SLC16A5: variants seen among roughly 807,000 people sequenced by gnomAD.
The protein encoded by SLC16A5 is monocarboxylate transporter 6.
Under a neutral mutation model 33.2 loss-of-function variants are expected in SLC16A5, and 29 were observed. The ratio of observed to expected loss-of-function variants is 0.87; its 90% confidence interval spans 0.65 to 1.19. SLC16A5 has a LOEUF of 1.19. Among genes scored for constraint, SLC16A5 ranks in the 50% most tolerant of loss-of-function variants. The probability of loss-of-function intolerance (pLI) is 0.00; values close to 1 mark genes in which losing one functional copy is unlikely to be tolerated. For synonymous variants in SLC16A5, 248 were observed against 284.1 expected, an observed-to-expected ratio of 0.87 and a Z score of 1.28; for missense variants, 606 against 678.2, an observed-to-expected ratio of 0.89 and a Z score of 1.18.
Position 75,098,099 on chromosome 17 carries a change from C to T in SLC16A5, c.261C>T (p.Gly87=), listed in dbSNP as rs757231426. Residue 87 remains glycine (G), a synonymous_variant, in exon 4 of 7, where the codon GGC becomes GGT. Coordinates refer to ENST00000329783, the MANE Select transcript of SLC16A5 (RefSeq NM_004695.4). ...FGCRVTVMLG[G]VLASLGMVAS... ...GCCGAGTGACCGTGATGCTGGGGGG[C>T]GTGCTGGCCAGCCTGGGCATGGTGG... The T allele has an allele frequency of 3.7e-6, 6 of 1,609,810 alleles. No individual in the cohort carries two copies. The highest frequency in any genetic ancestry group is 1.1e-5 in the South Asian group (1 of 90,468).
intron 1 of SLC16A5, among the ~76,000 whole-genome samples, chr17:75,088,686 C>T (rs28417351): frequency 0.046 from 6,989 of 152,158 alleles, 539 homozygotes; most frequent in African/African-American, 0.16. Flanking sequence ...GGGCCTGCCT[C>T]ATTTCCAGCC....
chr17:75,107,924 G>A (rs955118977), downstream of SLC16A5, among the ~76,000 whole-genome samples: 13 of 151,754 alleles, frequency 8.6e-5, 1 homozygote, highest in South Asian at 4.2e-4. Flanking sequence ...GTGACAGAGC[G>A]AGACACTGTC....
At chr17:75,096,290 A>G (rs2073717115) in intron 3 of SLC16A5, among the ~76,000 whole-genome samples, 1 of 151,600 alleles carries the variant, frequency 6.6e-6, no homozygotes, top group East Asian at 1.9e-4. Flanking sequence ...GCCCGGCCAC[A>G]CCACCCTCAG....
chr17:75,095,750 T>C (rs8077335), intron 3 of SLC16A5, among the ~76,000 whole-genome samples: 150,893 of 151,612 alleles, frequency 1, 75,094 homozygotes, highest in Middle Eastern at 1. Flanking sequence ...ACCTCCGCCT[T>C]CCAGGTTCAA....
chr17:75,108,330 C>G (rs980699810), downstream of SLC16A5, among the ~76,000 whole-genome samples: 11 of 152,296 alleles, frequency 7.2e-5, no homozygotes, highest in African/African-American at 2.4e-4. Context: ...AGATGCACTT[C>G]CCAGGCTGCA....
At chr17:75,087,704 C>G (rs2073586424), upstream of SLC16A5, 1 of 152,258 alleles carries the variant, frequency 6.6e-6, no homozygotes, top group African/African-American at 2.4e-5. Context: ...GCCCGGGGCC[C>G]TAGACCCTGA....
chr17:75,100,321 G>A lies in SLC16A5; in HGVS notation c.658G>A (p.Gly220Ser), dbSNP rs1261274685. ...TGCACTTGGCTGCCTGGCTGCATGC[G>A]GCCGGACCATCCAGCGCCACCTGGC... ...TPALGCLAAC[G>S]RTIQRHLAFD... Residue 220 changes from glycine (G) to serine (S), a missense_variant, in exon 5 of 7, where the codon GGC becomes AGC. Transcript: ENST00000329783. 1.4e-5 allele frequency: 23 copies of A among 1,614,010 alleles called. No homozygotes were observed. Among genetic ancestry groups the A allele is most frequent in the Middle Eastern group, 1.6e-4 (1 of 6,084 alleles).
chr17:75,105,840 G>T (rs753226069), intron 6 of SLC16A5, 40 bp from the exon 7 acceptor site: 1 of 1,521,900 alleles, frequency 6.6e-7, no homozygotes, highest in Non-Finnish European at 8.9e-7. Context: ...ACCAGGCTCC[G>T]CAAGAAAACC....
At chr17:75,094,879 G>C (rs1255379758) in intron 3 of SLC16A5, among the ~76,000 whole-genome samples, 1 of 152,056 alleles carries the variant, frequency 6.6e-6, no homozygotes, top group African/African-American at 2.4e-5. Flanking sequence ...GAGTGTGACT[G>C]CCTCACCCTG....
chr17:75,105,231 C>T, intron 6 of SLC16A5: 2 of 985,410 alleles, frequency 2.0e-6, no homozygotes, highest in Non-Finnish European at 2.4e-6. Flanking sequence ...AGTCTGAGGG[C>T]CCCCCTGCAG....
intron 5 of SLC16A5, among the ~76,000 whole-genome samples, chr17:75,101,298 C>G (rs1421086626): frequency 4.6e-5 from 6 of 130,556 alleles, no homozygotes; most frequent in Non-Finnish European, 9.9e-5. Flanking sequence ...CGGTGGCTCA[C>G]GCCTGTAATC....
intron 4 of SLC16A5, among the ~76,000 whole-genome samples, chr17:75,099,218 C>T (rs933903593): frequency 6.6e-6 from 1 of 152,114 alleles, no homozygotes; most frequent in Admixed American, 6.6e-5. Flanking sequence ...GGGGCAGCTT[C>T]ATGTCCAGAG....
downstream of SLC16A5, among the ~76,000 whole-genome samples, chr17:75,109,760 A>G (rs1185773735): frequency 1.3e-5 from 2 of 152,250 alleles, no homozygotes; most frequent in African/African-American, 4.8e-5. The surrounding 1 kb of genome is among the most constrained non-coding windows in gnomAD (Gnocchi z 5.0). Context: ...GCATCTGGAC[A>G]TGGGATACGG....
chr17:75,110,027 A>C (rs79652007), downstream of SLC16A5: 12,328 of 449,850 alleles, frequency 0.027, 257 homozygotes, highest in African/African-American at 0.073. Flanking sequence ...AGCCCCAACC[A>C]GTAGACGGTT....
Position 75,100,532 on chromosome 17 carries a change from T to A in SLC16A5, c.869T>A (p.Leu290Gln), listed in dbSNP as rs772404839. The change falls in exon 5 of 7, where the codon CTA becomes CAA. Residue 290 changes from leucine (L) to glutamine (Q), a missense_variant. Transcript: ENST00000329783. ...TTCAGCAACATCTTCCTGAGGCCCCTAGCCGGGCTGATGGCAGGACGGCCG... is the reference window on the plus strand; with the variant it reads ...TTCAGCAACATCTTCCTGAGGCCCCAAGCCGGGCTGATGGCAGGACGGCCG... ...IGFSNIFLRPLAGLMAGRPAF... is the reference protein window; with the variant it reads ...IGFSNIFLRPQAGLMAGRPAF... 6.2e-7 allele frequency: 1 copy of A among 1,614,214 alleles called. No individual in the cohort carries two copies. The highest frequency in any genetic ancestry group is 8.5e-7 in the Non-Finnish European group (1 of 1,180,020).
Position 75,100,518 on chromosome 17 carries a change from C to G in SLC16A5, c.855C>G (p.Ile285Met), listed in dbSNP as rs1022176147. 1 of 1,614,260 alleles carries G rather than the reference C, an allele frequency of 6.2e-7. No homozygotes were observed. The highest frequency in any genetic ancestry group is 8.5e-7 in the Non-Finnish European group (1 of 1,180,046). The change falls in exon 5 of 7, where the codon ATC (isoleucine) becomes ATG (methionine). Residue 285 changes from isoleucine to methionine, a missense_variant. Physicochemically the swap from Ile to Met is conservative, Grantham distance 10 (BLOSUM62 1). Transcript: ENST00000329783. ...LLISIIGFSN[I>M]FLRPLAGLMA... ...TCTCCATCATCGGCTTCAGCAACAT[C>G]TTCCTGAGGCCCCTAGCCGGGCTGA...
chr17:75,092,392 A>T (rs2073651432), intron 2 of SLC16A5, among the ~76,000 whole-genome samples: 1 of 143,516 alleles, frequency 7.0e-6, no homozygotes, highest in African/African-American at 2.6e-5. Context: ...GAGTCTTGCT[A>T]TGTCACTAGG....
intron 6 of SLC16A5, 26 bp from the exon 7 acceptor site, chr17:75,105,854 T>A (rs756994161): frequency 1.9e-6 from 3 of 1,558,732 alleles, no homozygotes; most frequent in Non-Finnish European, 1.7e-6. Flanking sequence ...GAAAACCTTA[T>A]CAGGAGATTT....
rs867363930 is a variant in SLC16A5 at position 75,100,475 on chromosome 17, A to G, written c.812A>G (p.Gln271Arg). Residue 271 changes from glutamine (Q) to arginine (R), a missense_variant, in exon 5 of 7, where the codon CAG (glutamine) becomes CGG (arginine). Gln to Arg is a conservative substitution (Grantham distance 43). Transcript: ENST00000329783. Reference protein sequence around the residue: ...PYAMWHSVDEQQAALLISIIG... With the variant: ...PYAMWHSVDERQAALLISIIG... ...GCCATGTGGCACAGCGTGGACGAGC[A>G]GCAGGCAGCCCTCCTCATCTCCATC... is the stretch of plus-strand genomic sequence containing the variant. 3.0e-5 allele frequency: 48 copies of G among 1,614,238 alleles called. No individual in the cohort carries two copies. Among genetic ancestry groups the G allele is most frequent in the Non-Finnish European group, 4.1e-5 (48 of 1,180,044 alleles).
Sources: allele counts gnomAD v4.1 joint callset (sites outside exome capture counted in the v4.1 genomes callset), GRCh38; gene constraint gnomAD v4.1.1; non-coding constraint Gnocchi (gnomAD v3.1); transcripts MANE v1.5; gene names NCBI Gene and HGNC (gene_info 2026-07-23, HGNC 2026-07-21).